ANKRD50: variants seen among roughly 807,000 people sequenced by gnomAD.
ANKRD50 encodes the protein ankyrin repeat domain 50, also known as ankyrin repeat domain-containing protein 50.
In ANKRD50, 40 loss-of-function variants were observed where a neutral mutation model predicts 112.0. That is an observed-to-expected ratio of 0.36 (90% CI 0.28 to 0.46). The LOEUF (loss-of-function observed/expected upper bound fraction) is 0.46. ANKRD50 is among the 20% of genes least tolerant of loss of function. ANKRD50 has a pLI of 1.00. For synonymous variants in ANKRD50, 613 were observed against 619.1 expected, an observed-to-expected ratio of 0.99 and a Z score of 0.15; for missense variants, 1,487 against 1,701.7, an observed-to-expected ratio of 0.87 and a Z score of 2.22.
At chr4:124,698,333 A>G (rs544893508) in intron 2 of ANKRD50, among the ~76,000 whole-genome samples, 3 of 152,190 alleles carry the variant, frequency 2.0e-5, no homozygotes, top group African/African-American at 4.8e-5. Context: ...AAATGTGTAG[A>G]TGTTCTCTTC....
Position 124,664,748 on chromosome 4 carries a change from T to A in ANKRD50, c.*2770A>T, listed in dbSNP as rs545542955. ...ATTGAGAAAAGTATTTACTTCTGTT[T>A]TTTAAGTATCAAACTATTTTTGGTG... On this transcript the variant is annotated 3_prime_UTR_variant, in exon 5 of 5. Coordinates refer to ENST00000504087, the MANE Select transcript of ANKRD50 (RefSeq NM_020337.3). 3.3e-5 allele frequency: 5 copies of A among 152,276 alleles called. No individual in the cohort carries two copies. In the East Asian group the frequency reaches 9.7e-4, roughly 29 times the overall value. 9.4% of individuals were successfully genotyped at this position (152,276 alleles called of 1,614,324 possible). A position where few individuals can be genotyped will look rare whatever the true frequency, so the allele number is the denominator to read the frequency against.
Position 124,670,226 on chromosome 4 carries a change from C to T in ANKRD50, c.3051G>A (p.Gln1017=). The change falls in exon 4 of 5, where the codon CAG becomes CAA. Residue 1017 remains glutamine (Q), a synonymous_variant. Coordinates refer to ENST00000504087, the MANE Select transcript of ANKRD50 (RefSeq NM_020337.3). Reference sequence around the variant, plus strand: ...TTACATGGCCCTGCCAGGCTGCAGACTGCAAAGCAGAGCGCTTTTCATTGT... The same window carrying T: ...TTACATGGCCCTGCCAGGCTGCAGATTGCAAAGCAGAGCGCTTTTCATTGT... The part of the protein sequence containing the change: ...AADNEKRSAL[Q]SAAWQGHVKV... The T allele has an allele frequency of 6.2e-7, 1 of 1,613,816 alleles. No individual in the cohort carries two copies. The highest frequency in any genetic ancestry group is 1.1e-5 in the South Asian group (1 of 91,060).
intron 2 of ANKRD50, among the ~76,000 whole-genome samples, chr4:124,687,006 G>A (rs1038352016): frequency 2.0e-5 from 3 of 151,928 alleles, no homozygotes; most frequent in South Asian, 2.1e-4. Flanking sequence ...TTTGACATAC[G>A]GTATGTGGCT....
intron 2 of ANKRD50, among the ~76,000 whole-genome samples, chr4:124,702,215 G>T (rs763783882): frequency 1.3e-5 from 2 of 152,124 alleles, no homozygotes; most frequent in South Asian, 4.1e-4. Context: ...TGTTATGTGG[G>T]TTATCACAGG....
In ANKRD50 at chr4:124,711,167, T is replaced by G; in HGVS notation, c.-656A>C. On this transcript the variant is annotated 5_prime_UTR_variant, in exon 2 of 5. The change abolishes the stop of an existing upstream ORF in the 5' untranslated region. Coordinates refer to ENST00000504087, the MANE Select transcript of ANKRD50 (RefSeq NM_020337.3). ...CAACCACTGTTAACACCTTCTTAAT[T>G]CAAAGCATTCATAATATGCATTTTT... is the stretch of plus-strand genomic sequence containing the variant. 6.1e-6 allele frequency: 1 copy of G among 164,900 alleles called. No homozygotes were observed. The highest frequency in any genetic ancestry group is 1.3e-5 in the Non-Finnish European group (1 of 76,868). 10.2% of individuals were successfully genotyped at this position (164,900 alleles called of 1,614,324 possible).
chr4:124,704,133 G>C (rs1003450890), intron 2 of ANKRD50, among the ~76,000 whole-genome samples: 1 of 152,168 alleles, frequency 6.6e-6, no homozygotes, highest in Non-Finnish European at 1.5e-5. Context: ...ATGATCTTTA[G>C]ACTAAAAGAC....
intron 3 of ANKRD50, among the ~76,000 whole-genome samples, chr4:124,675,852 C>T (rs949141428): frequency 4.6e-5 from 7 of 151,838 alleles, no homozygotes; most frequent in African/African-American, 1.7e-4. Flanking sequence ...CAAAATTGTG[C>T]TTAGTGCCAA....
Position 124,671,978 on chromosome 4 carries a change from G to A in ANKRD50, c.1299C>T (p.His433=). The change falls in exon 4 of 5, where the codon CAC becomes CAT. Residue 433 remains histidine, a synonymous_variant. Coordinates refer to ENST00000504087, the MANE Select transcript of ANKRD50 (RefSeq NM_020337.3). The part of the protein sequence containing the change: ...QKYLCNAAEG[H]RMLAMSYTCQ... ...AGGTATAACTCATAGCCAACATTCT[G>A]TGTCCTTCTGCTGCATTACATAAAT... 6.2e-7 allele frequency: 1 copy of A among 1,613,908 alleles called. No individual in the cohort carries two copies. Among genetic ancestry groups the A allele is most frequent in the South Asian group, 1.1e-5 (1 of 91,082 alleles).
In ANKRD50 at chr4:124,666,001, C is replaced by T. The variant is rs1160527236; in HGVS notation, c.*1517G>A. 1 of 151,984 alleles carries T rather than the reference C, an allele frequency of 6.6e-6. No individual in the cohort carries two copies. The highest frequency in any genetic ancestry group is 1.5e-5 in the Non-Finnish European group (1 of 67,922). 9.4% of individuals were successfully genotyped at this position (151,984 alleles called of 1,614,324 possible). A position where few individuals can be genotyped will look rare whatever the true frequency, so the allele number is the denominator to read the frequency against. On this transcript the variant is annotated 3_prime_UTR_variant, in exon 5 of 5. Coordinates refer to ENST00000504087, the MANE Select transcript of ANKRD50 (RefSeq NM_020337.3). The stretch of plus-strand genomic sequence containing the variant: ...TCTAAAGATTTTGTTCTAGAAGTAG[C>T]AATGGTTTTGTGCTGAATCTCCAAA...
chr4:124,667,612 TTATC>T, intron 4 of ANKRD50, 98 bp from the exon 5 acceptor site: 1 of 152,184 alleles, frequency 6.6e-6, no homozygotes, highest in East Asian at 1.9e-4. Flanking sequence ...CTATATATCT[TTATC>T]TATATATTTA....
At chr4:124,673,780 G>A (rs1418259616) in intron 3 of ANKRD50, among the ~76,000 whole-genome samples, 2 of 151,972 alleles carry the variant, frequency 1.3e-5, no homozygotes, top group South Asian at 4.1e-4. Context: ...GACAGTTATT[G>A]AAAAATTAAA....
chr4:124,678,631 A>G (rs1352716948), intron 3 of ANKRD50, 45 bp downstream of exon 3: 5 of 1,539,800 alleles, frequency 3.2e-6, no homozygotes, highest in Non-Finnish European at 3.6e-6. Flanking sequence ...AAACTAGTTC[A>G]TTAATGAAAA....
At chr4:124,683,131 TCACA>T (rs1724931004) in intron 2 of ANKRD50, among the ~76,000 whole-genome samples, 1 of 151,822 alleles carries the variant, frequency 6.6e-6, no homozygotes, top group South Asian at 2.1e-4. Context: ...TACATATTTA[TCACA>T]CACATATATA....
Position 124,687,007 on chromosome 4 carries a change from G to A in ANKRD50, c.513-8102C>T, listed in dbSNP as rs564469929. ...TTATTTTCCAGTTGTTTGACATACG[G>A]TATGTGGCTTCAAAAAATAATTATA... On this transcript the variant is annotated intron_variant, in intron 2 of 4. Transcript: ENST00000504087. Among the ~76,000 whole-genome samples, 5 of 152,212 alleles carry A rather than the reference G, an allele frequency of 3.3e-5. No homozygotes were observed. In the South Asian group the frequency reaches 1.0e-3, roughly 32 times the overall value.
At chr4:124,709,839 CT>C (rs1725588302) in intron 2 of ANKRD50, among the ~76,000 whole-genome samples, 160 bp downstream of exon 2, 1 of 152,106 alleles carries the variant, frequency 6.6e-6, no homozygotes, top group South Asian at 2.1e-4. Flanking sequence ...ATTTTACTTC[CT>C]TTGATATTCA....
intron 3 of ANKRD50, among the ~76,000 whole-genome samples, chr4:124,677,846 T>C (rs1176412124): frequency 6.6e-6 from 1 of 151,980 alleles, no homozygotes; most frequent in Non-Finnish European, 1.5e-5. Context: ...AAAGGAACGG[T>C]GACACAGACC....
At chr4:124,696,426 G>A (rs919091178) in intron 2 of ANKRD50, among the ~76,000 whole-genome samples, 3 of 152,030 alleles carry the variant, frequency 2.0e-5, no homozygotes, top group Admixed American at 2.0e-4. Context: ...GGTCCCCAAA[G>A]AAAAAGAATG....
intron 2 of ANKRD50, among the ~76,000 whole-genome samples, chr4:124,686,370 G>T (rs1314861143): frequency 2.0e-5 from 3 of 152,134 alleles, no homozygotes; most frequent in African/African-American, 7.2e-5. Flanking sequence ...GACAGAATGT[G>T]GAGCCCCTGG....
rs1483132374 is a variant in ANKRD50 at position 124,710,644 on chromosome 4, C to CA, written c.-134dup. The CA allele has an allele frequency of 3.7e-6, 4 of 1,070,752 alleles. No individual in the cohort carries two copies. Among genetic ancestry groups the CA allele is most frequent in the Non-Finnish European group, 5.4e-6 (4 of 743,714 alleles). The allele number at this position is 1,070,752 out of a possible 1,614,324, so 66.3% of individuals were successfully genotyped here. On this transcript the variant is annotated 5_prime_UTR_variant, in exon 2 of 5. The change abolishes the stop of an existing upstream ORF in the 5' untranslated region. Coordinates refer to ENST00000504087, the MANE Select transcript of ANKRD50 (RefSeq NM_020337.3). ...TAGTTACAGTAAAATTCAACAGCCA[C>CA]AGAGTTCCTCTGTCAACAGAACGTG...
Sources: allele counts gnomAD v4.1 joint callset (sites outside exome capture counted in the v4.1 genomes callset), GRCh38; gene constraint gnomAD v4.1.1; transcripts MANE v1.5; gene names NCBI Gene and HGNC (gene_info 2026-07-23, HGNC 2026-07-21).